CSMD3: variants seen among roughly 807,000 people sequenced by gnomAD.
The protein encoded by CSMD3 is CUB and sushi domain-containing protein 3.
Under a neutral mutation model 435.2 loss-of-function variants are expected in CSMD3, and 177 were observed. The observed-to-expected ratio is 0.41, with a 90% CI of 0.36 to 0.46. The LOEUF is 0.46. CSMD3 is among the 20% of genes least tolerant of loss of function. CSMD3 has a pLI of 0.34. For missense variants in CSMD3, 4,265 were observed against 4,504.6 expected, an observed-to-expected ratio of 0.95 and a Z score of 1.52; for synonymous variants, 1,656 against 1,520.5, an observed-to-expected ratio of 1.09 and a Z score of -2.07.
chr8:113,305,898 T>G (rs78537775), intron 2 of CSMD3, among the ~76,000 whole-genome samples: 2 of 152,202 alleles, frequency 1.3e-5, no homozygotes, highest in Admixed American at 6.5e-5. Flanking sequence ...AAGTCTTTTG[T>G]AAATTAAAGT....
At chr8:112,337,468 A>G (rs1195647721) in intron 43 of CSMD3, 75 bp downstream of exon 43, 4 of 1,118,972 alleles carry the variant, frequency 3.6e-6, no homozygotes, top group African/African-American at 3.1e-5. Flanking sequence ...GAAGAGGAAG[A>G]CAAGTAAAAA....
chr8:112,694,660 G>GT (rs903982555), intron 13 of CSMD3, among the ~76,000 whole-genome samples: 27 of 151,962 alleles, frequency 1.8e-4, no homozygotes, highest in African/African-American at 4.6e-4. Context: ...CTGCTTTTGG[G>GT]TTTTTTTCCT....
chr8:113,193,178 C>A (rs2092609322), intron 3 of CSMD3, among the ~76,000 whole-genome samples: 1 of 151,086 alleles, frequency 6.6e-6, no homozygotes, highest in African/African-American at 2.4e-5. Flanking sequence ...CTTATTCCAT[C>A]TCGTATTCGT....
chr8:112,469,019 A>C (rs947240101), intron 32 of CSMD3, among the ~76,000 whole-genome samples: 17 of 152,246 alleles, frequency 1.1e-4, no homozygotes, highest in African/African-American at 3.8e-4. Context: ...CAATTGACTG[A>C]CAAAGAGTAT....
chr8:112,861,583 T>C (rs1365659797), intron 10 of CSMD3, among the ~76,000 whole-genome samples: 1 of 151,940 alleles, frequency 6.6e-6, no homozygotes, highest in Non-Finnish European at 1.5e-5. Flanking sequence ...GCCAAGGTGA[T>C]GTGCCACTTC....
At chr8:112,899,599 T>TTATATATATATATATATATA (rs71309794) in intron 10 of CSMD3, among the ~76,000 whole-genome samples, 66 of 99,982 alleles carry the variant, frequency 6.6e-4, no homozygotes, top group Non-Finnish European at 1.2e-3. Flanking sequence ...CTTGTCTATT[T>TTATATATATATATATATATA]TATATATATA....
chr8:112,538,304 A>G (rs1826333569), intron 27 of CSMD3, among the ~76,000 whole-genome samples: 1 of 152,062 alleles, frequency 6.6e-6, no homozygotes, highest in Non-Finnish European at 1.5e-5. Flanking sequence ...GCCAAGAATG[A>G]CCACTTTTAT....
chr8:112,660,392 G>C (rs138283690), intron 17 of CSMD3, among the ~76,000 whole-genome samples: 1 of 152,148 alleles, frequency 6.6e-6, no homozygotes, highest in African/African-American at 2.4e-5. Flanking sequence ...GAAATACCTT[G>C]TTCATCCCTT....
chr8:112,647,017 A>C (rs2074998335), intron 19 of CSMD3, among the ~76,000 whole-genome samples: 1 of 152,134 alleles, frequency 6.6e-6, no homozygotes, highest in Non-Finnish European at 1.5e-5. Flanking sequence ...CCCCCACAAC[A>C]ACCTTTTGAG....
chr8:113,425,932 G>A (rs1441077213), intron 1 of CSMD3, among the ~76,000 whole-genome samples: 1 of 151,524 alleles, frequency 6.6e-6, no homozygotes, highest in Non-Finnish European at 1.5e-5. Context: ...CAGTTCAGCT[G>A]TTTTGATTTA....
chr8:112,412,241 C>T (rs1811428285), intron 32 of CSMD3, among the ~76,000 whole-genome samples: 1 of 151,754 alleles, frequency 6.6e-6, no homozygotes, highest in African/African-American at 2.4e-5. Flanking sequence ...TAAAAATTAC[C>T]TCTTAACACT....
intron 8 of CSMD3, among the ~76,000 whole-genome samples, chr8:112,953,148 G>A (rs1460053560): frequency 6.6e-6 from 1 of 151,372 alleles, no homozygotes; most frequent in African/African-American, 2.4e-5. Flanking sequence ...CTAATACGCT[G>A]TAATTCTACT....
At chr8:113,033,121 C>A (rs1251868916) in intron 5 of CSMD3, among the ~76,000 whole-genome samples, 1 of 151,592 alleles carries the variant, frequency 6.6e-6, no homozygotes, top group Non-Finnish European at 1.5e-5. Context: ...AGAACCTCTA[C>A]TAGGGCAATG....
At chr8:112,856,775 A>T (rs1289131573) in intron 11 of CSMD3, among the ~76,000 whole-genome samples, 1 of 151,888 alleles carries the variant, frequency 6.6e-6, no homozygotes, top group Non-Finnish European at 1.5e-5. Flanking sequence ...ATGAACAATA[A>T]TTACTGAACA....
chr8:113,069,987 TA>T, intron 5 of CSMD3, among the ~76,000 whole-genome samples: 1 of 152,226 alleles, frequency 6.6e-6, no homozygotes, highest in South Asian at 2.1e-4. Context: ...CACCTTTGTT[TA>T]CTAAGCCACT....
At chr8:112,963,683 T>C (rs1179171874) in intron 7 of CSMD3, among the ~76,000 whole-genome samples, 6 of 151,958 alleles carry the variant, frequency 3.9e-5, no homozygotes, top group African/African-American at 1.2e-4. Context: ...ATGCGTTGGC[T>C]GTATTGAAAT....
intron 1 of CSMD3, among the ~76,000 whole-genome samples, chr8:113,336,808 C>T (rs1468143779): frequency 6.6e-6 from 1 of 152,106 alleles, no homozygotes. Context: ...AGTGTTTACA[C>T]TGACACTGCA....
chr8:113,317,967 T>C (rs1208431225), intron 1 of CSMD3, among the ~76,000 whole-genome samples: 3 of 152,322 alleles, frequency 2.0e-5, no homozygotes, highest in East Asian at 3.9e-4. Flanking sequence ...TATAATTTAT[T>C]TTACCATTCT....
chr8:112,809,377 G>A (rs912021854), intron 12 of CSMD3, among the ~76,000 whole-genome samples: 2 of 152,048 alleles, frequency 1.3e-5, no homozygotes, highest in East Asian at 1.9e-4. Context: ...AAAATCTCAC[G>A]CAGATTCATG....
Sources: gnomAD v4.1 joint callset for allele counts (sites outside exome capture counted in the v4.1 genomes callset) on GRCh38, gnomAD v4.1.1 for gene constraint, MANE v1.5 for transcripts, NCBI Gene and HGNC (gene_info 2026-07-23, HGNC 2026-07-21) for gene names.